Variants in LMX1A observed in about 807,000 individuals in gnomAD.
LMX1A encodes the protein LIM homeobox transcription factor 1 alpha, also known as LIM homeobox transcription factor 1-alpha.
A neutral mutation model predicts 49.1 loss-of-function variants in LMX1A; 15 were observed. The ratio of observed to expected loss-of-function variants is 0.31; its 90% confidence interval spans 0.20 to 0.47. The LOEUF is 0.47. Among genes scored for constraint, LMX1A ranks in the 20% least tolerant of loss-of-function variants. The pLI is 1.00. For synonymous variants in LMX1A, 167 were observed against 185.7 expected, an observed-to-expected ratio of 0.90 and a Z score of 0.82; for missense variants, 372 against 475.8, an observed-to-expected ratio of 0.78 and a Z score of 2.03.
rs745847983 is a variant in LMX1A at position 165,355,066 on chromosome 1, G to C, written c.76+418C>G. ...GGCTGAAATTGGGGCTGGAGTTGGT[G>C]GGGGAGAGAAGCCTCCTCGAACTTG... On this transcript the variant is annotated intron_variant, in intron 2 of 8. Coordinates refer to ENST00000342310, the MANE Select transcript of LMX1A (RefSeq NM_177398.4). This position sits in a 1 kb window ranked among gnomAD's most constrained non-coding sequence, Gnocchi z 4.7. Among the ~76,000 whole-genome samples, 1 of 152,188 alleles carries C rather than the reference G, an allele frequency of 6.6e-6. No homozygotes were observed. Among genetic ancestry groups the C allele is most frequent in the Non-Finnish European group, 1.5e-5 (1 of 68,042 alleles).
At chr1:165,249,680 A>C (rs1480057695) in intron 3 of LMX1A, 40 bp from the exon 4 acceptor site, 1 of 1,547,760 alleles carries the variant, frequency 6.5e-7, no homozygotes, top group African/African-American at 1.4e-5. Flanking sequence ...ACCATGAGTA[A>C]AATCTGGCTT....
intron 3 of LMX1A, among the ~76,000 whole-genome samples, chr1:165,287,807 C>G (rs770463483): frequency 6.6e-6 from 1 of 152,134 alleles, no homozygotes; most frequent in African/African-American, 2.4e-5. Context: ...AACAGACTGA[C>G]GTACTATATG....
intron 3 of LMX1A, among the ~76,000 whole-genome samples, chr1:165,298,082 T>G (rs1189109591): frequency 6.6e-6 from 1 of 152,096 alleles, no homozygotes; most frequent in Non-Finnish European, 1.5e-5. Flanking sequence ...GAAATAAACT[T>G]GAGATAAGAG....
chr1:165,298,817 G>T (rs1017384964), intron 3 of LMX1A, among the ~76,000 whole-genome samples: 1 of 152,230 alleles, frequency 6.6e-6, no homozygotes, highest in Non-Finnish European at 1.5e-5. Context: ...AATAGTGAGT[G>T]AAAGACTGCA....
At chr1:165,321,760 A>G (rs1271309154) in intron 3 of LMX1A, among the ~76,000 whole-genome samples, 1 of 152,220 alleles carries the variant, frequency 6.6e-6, no homozygotes, top group Non-Finnish European at 1.5e-5. Context: ...AAATCATTTG[A>G]CTTTACCAAA....
rs114895452 is a variant in LMX1A at position 165,272,766 on chromosome 1, T to C, written c.264-23126A>G. ...CAGGGTGGTTTGCTAGGGGTCTGCA[T>C]AATGTCTATGAGCGATAGTTATTGA... is the stretch of plus-strand genomic sequence containing the variant. On this transcript the variant is annotated intron_variant, in intron 3 of 8. Transcript: ENST00000342310. Among the ~76,000 whole-genome samples the C allele has an allele frequency of 4.4e-3, 663 of 152,222 alleles. 3 individuals carry two copies. Among genetic ancestry groups the C allele is most frequent in the African/African-American group, 0.014 (582 of 41,518 alleles).
chr1:165,298,906 C>T (rs1173260086), intron 3 of LMX1A, among the ~76,000 whole-genome samples: 2 of 152,210 alleles, frequency 1.3e-5, no homozygotes, highest in Non-Finnish European at 2.9e-5. Flanking sequence ...TATGAAGTGT[C>T]TGCATGTGAG....
At chr1:165,343,395 A>AAATAATAATAATAAT (rs56236301) in intron 3 of LMX1A, among the ~76,000 whole-genome samples, 3 of 149,228 alleles carry the variant, frequency 2.0e-5, no homozygotes, top group Non-Finnish European at 3.0e-5. Flanking sequence ...ACTCATATAT[A>AAATAATAATAATAAT]AATAATAATA....
chr1:165,233,506 T>C (rs1180201589), intron 4 of LMX1A, among the ~76,000 whole-genome samples: 1 of 152,152 alleles, frequency 6.6e-6, no homozygotes, highest in Admixed American at 6.5e-5. Flanking sequence ...TTTTCTGTGA[T>C]TCCCAAATTC....
intron 6 of LMX1A, among the ~76,000 whole-genome samples, chr1:165,209,999 T>G (rs1311621171): frequency 6.6e-6 from 1 of 152,208 alleles, no homozygotes; most frequent in Admixed American, 6.5e-5. Flanking sequence ...ATTGATTGCT[T>G]GCTTGGTGTA....
intron 3 of LMX1A, among the ~76,000 whole-genome samples, chr1:165,279,014 T>A (rs949520937): frequency 2.6e-5 from 4 of 152,216 alleles, no homozygotes; most frequent in African/African-American, 9.6e-5. Flanking sequence ...GGCTTCTCTC[T>A]GTTCATGGGG....
chr1:165,221,908 T>TCC (rs1651860595), intron 4 of LMX1A, among the ~76,000 whole-genome samples: 1 of 126,898 alleles, frequency 7.9e-6, no homozygotes, highest in Admixed American at 8.6e-5. Flanking sequence ...GTCTCCACTC[T>TCC]ACACACACAC....
intron 3 of LMX1A, among the ~76,000 whole-genome samples, chr1:165,286,197 A>G (rs981053984): frequency 6.6e-6 from 1 of 152,220 alleles, no homozygotes; most frequent in Non-Finnish European, 1.5e-5. Context: ...AATAGTCTCA[A>G]TAATTCCAGT....
intron 3 of LMX1A, among the ~76,000 whole-genome samples, chr1:165,323,983 T>G (rs1655497585): frequency 1.3e-5 from 2 of 152,224 alleles, no homozygotes; most frequent in Non-Finnish European, 2.9e-5. Context: ...ACCTATCATC[T>G]CATTTCTAAA....
intron 4 of LMX1A, among the ~76,000 whole-genome samples, chr1:165,229,376 G>A (rs553762289): frequency 1.3e-5 from 2 of 152,286 alleles, no homozygotes; most frequent in African/African-American, 2.4e-5. Context: ...AGCTATAGAT[G>A]GCCCCCCCGT....
intron 3 of LMX1A, among the ~76,000 whole-genome samples, chr1:165,338,424 C>T (rs185925505): frequency 2.0e-4 from 31 of 152,194 alleles, no homozygotes; most frequent in Admixed American, 6.5e-4. Flanking sequence ...GGAAAGGGGC[C>T]GGTGATGGAG....
intron 4 of LMX1A, chr1:165,218,537 G>A (rs1651722006): frequency 1.3e-5 from 2 of 152,330 alleles, no homozygotes; most frequent in Non-Finnish European, 2.9e-5. Flanking sequence ...GACTCTCCTG[G>A]GGAGTTTCCA....
chr1:165,289,500 C>T (rs1315020421), intron 3 of LMX1A, among the ~76,000 whole-genome samples: 1 of 152,206 alleles, frequency 6.6e-6, no homozygotes, highest in African/African-American at 2.4e-5. Context: ...TCTTACCTAC[C>T]TCTTCTCCCA....
chr1:165,240,009 A>G lies in LMX1A; in HGVS notation c.496+9399T>C, dbSNP rs559089735. The stretch of plus-strand genomic sequence containing the variant: ...TTGTGCTTTGAAGCAGTGTTTTTCA[A>G]ACTTCTGTTATGACCCATGAGTAGC... On this transcript the variant is annotated intron_variant, in intron 4 of 8. Transcript: ENST00000342310. Among the ~76,000 whole-genome samples, 103 of 152,320 alleles carry G rather than the reference A, an allele frequency of 6.8e-4. No homozygotes were observed. The East Asian group carries it at 0.011, about 16-fold the overall frequency.
Sources: gnomAD v4.1 joint callset for allele counts (sites outside exome capture counted in the v4.1 genomes callset) on GRCh38, gnomAD v4.1.1 for gene constraint, Gnocchi (gnomAD v3.1) non-coding constraint, MANE v1.5 for transcripts, NCBI Gene and HGNC (gene_info 2026-07-23, HGNC 2026-07-21) for gene names.